The following SDK1 variants were observed in gnomAD, a reference collection of about 807,000 sequenced individuals.
The protein encoded by SDK1 is sidekick cell adhesion molecule 1.
A neutral mutation model predicts 245.5 loss-of-function variants in SDK1; 157 were observed. The observed-to-expected ratio is 0.64, with a 90% CI of 0.56 to 0.73. The LOEUF (loss-of-function observed/expected upper bound fraction) is 0.73. Ranked by LOEUF, SDK1 falls within the 30% of genes least tolerant of loss-of-function variation. The pLI, the probability that SDK1 is intolerant of heterozygous loss-of-function variation, is 0.00. For missense variants in SDK1, 3,583 were observed against 3,002.3 expected (o/e 1.19, Z -4.52); for synonymous variants, 1,647 against 1,278.5 (o/e 1.29, Z -6.15).
At chr7:3,370,347 A>C (rs1781191224) in intron 1 of SDK1, among the ~76,000 whole-genome samples, 1 of 152,228 alleles carries the variant, frequency 6.6e-6, no homozygotes, top group Admixed American at 6.5e-5. Context: ...TTAACCCCTG[A>C]GGGAGAGAGA....
chr7:3,889,193 T>C (rs1343192313), intron 5 of SDK1, among the ~76,000 whole-genome samples: 1 of 152,230 alleles, frequency 6.6e-6, no homozygotes, highest in Non-Finnish European at 1.5e-5. Flanking sequence ...ATTAAGATCC[T>C]TGAGGCCATC....
chr7:4,003,803 T>C (rs766614249), intron 14 of SDK1, among the ~76,000 whole-genome samples: 9 of 152,356 alleles, frequency 5.9e-5, no homozygotes, highest in Non-Finnish European at 8.8e-5. Context: ...TTATACTCAG[T>C]GTCTAGAGAG....
chr7:3,345,855 T>C (rs1019629393), intron 1 of SDK1, among the ~76,000 whole-genome samples: 4 of 152,164 alleles, frequency 2.6e-5, no homozygotes, highest in African/African-American at 9.7e-5. Flanking sequence ...GGTCACCCCA[T>C]CTAGATGACA....
At chr7:3,989,201 C>G (rs970533339) in intron 14 of SDK1, among the ~76,000 whole-genome samples, 1 of 152,226 alleles carries the variant, frequency 6.6e-6, no homozygotes, top group African/African-American at 2.4e-5. Flanking sequence ...CACAGTTCCA[C>G]GTGGCTAGGA....
intron 22 of SDK1, among the ~76,000 whole-genome samples, chr7:4,091,334 C>CTTTTTTTT (rs61065472): frequency 8.6e-4 from 93 of 108,210 alleles, no homozygotes; most frequent in African/African-American, 1.6e-3. Context: ...CTTTTCTTTT[C>CTTTTTTTT]TTTTTTTTTT....
rs760519027 is a variant in SDK1 at position 4,265,141 on chromosome 7, C to T, written c.6399C>T (p.Tyr2133=). ...CCCCGCAGGCCACGGACTCTGACTA[C>T]GAGGACGCGCTGCCCAAGCACTCCT... ...ASESEATDSD[Y]EDALPKHSFV... The change falls in exon 45 of 45, where the codon TAC becomes TAT. Residue 2133 remains tyrosine, a synonymous_variant. Transcript: ENST00000404826. 4.2e-5 allele frequency: 68 copies of T among 1,611,926 alleles called. No individual in the cohort carries two copies. Among genetic ancestry groups the T allele is most frequent in the Non-Finnish European group, 5.4e-5 (64 of 1,179,590 alleles).
intron 17 of SDK1, among the ~76,000 whole-genome samples, chr7:4,023,297 C>T (rs565823534): frequency 6.6e-6 from 1 of 152,194 alleles, no homozygotes; most frequent in African/African-American, 2.4e-5. Flanking sequence ...TTAACGGTGA[C>T]TCCATGACCT....
chr7:3,484,704 A>G (rs1282591268), intron 1 of SDK1, among the ~76,000 whole-genome samples: 1 of 152,100 alleles, frequency 6.6e-6, no homozygotes, highest in African/African-American at 2.4e-5. Context: ...TGTTGCACTC[A>G]CTACCTCCAC....
At chr7:4,208,040 C>A in intron 36 of SDK1, 59 bp from the exon 37 acceptor site, 1 of 1,311,990 alleles carries the variant, frequency 7.6e-7, no homozygotes, top group Non-Finnish European at 1.1e-6. Flanking sequence ...CACTCAGTGG[C>A]CCCCGCTTAC....
chr7:4,158,900 CTT>C (rs1022983119), intron 31 of SDK1, among the ~76,000 whole-genome samples: 3 of 152,226 alleles, frequency 2.0e-5, no homozygotes, highest in Non-Finnish European at 2.9e-5. Flanking sequence ...ACGAGCCACT[CTT>C]TGACAACAGC....
intron 1 of SDK1, among the ~76,000 whole-genome samples, chr7:3,392,074 T>G (rs1049203251): frequency 2.0e-5 from 3 of 151,882 alleles, no homozygotes; most frequent in African/African-American, 7.3e-5. Context: ...ACATTCATGA[T>G]AGAAAGTATT....
Position 3,750,710 on chromosome 7 carries a change from T to C in SDK1, c.714-70740T>C, listed in dbSNP as rs570759191. 2.0e-5 allele frequency among the ~76,000 whole-genome samples: 3 copies of C among 152,318 alleles called. No homozygotes were observed. The East Asian group carries it at 5.8e-4, about 29-fold the overall frequency. On this transcript the variant is annotated intron_variant, in intron 4 of 44. Coordinates refer to ENST00000404826, the MANE Select transcript of SDK1 (RefSeq NM_152744.4). Reference sequence around the variant, plus strand: ...TGGATTTTCCAAAGAAATATGCAGATAAGTCTAGGAGAAGGTTCAGAAGCC... The same window carrying C: ...TGGATTTTCCAAAGAAATATGCAGACAAGTCTAGGAGAAGGTTCAGAAGCC...
intron 4 of SDK1, among the ~76,000 whole-genome samples, chr7:3,801,671 T>C (rs1159980891): frequency 6.6e-6 from 1 of 152,198 alleles, no homozygotes; most frequent in Non-Finnish European, 1.5e-5. Flanking sequence ...GAGTTCTAGA[T>C]GCTGTGGCTG....
intron 35 of SDK1, among the ~76,000 whole-genome samples, chr7:4,183,197 A>G (rs902514687): frequency 8.5e-5 from 13 of 152,150 alleles, no homozygotes; most frequent in Admixed American, 1.3e-4. Flanking sequence ...GGGTCAGTCC[A>G]TTTTCAGAAT....
In SDK1 at chr7:4,149,349, A is replaced by T; in HGVS notation, c.4511A>T (p.Asp1504Val). The stretch of plus-strand genomic sequence containing the variant: ...CGGCTCCAGTGGGTCCCGGGCAGCG[A>T]CGGGGCCTCCCCCATCCGGTACTTC... Reference protein sequence around the residue: ...SLRLQWVPGSDGASPIRYFTM... With the variant: ...SLRLQWVPGSVGASPIRYFTM... Residue 1504 changes from aspartate (D) to valine (V), a missense_variant, in exon 30 of 45, where the codon GAC (aspartate) becomes GTC (valine). Coordinates refer to ENST00000404826, the MANE Select transcript of SDK1 (RefSeq NM_152744.4). 1 of 1,591,598 alleles carries T rather than the reference A, an allele frequency of 6.3e-7. No homozygotes were observed. Among genetic ancestry groups the T allele is most frequent in the South Asian group, 1.1e-5 (1 of 87,792 alleles).
At chr7:3,667,139 G>A (rs1783559610) in intron 4 of SDK1, among the ~76,000 whole-genome samples, 2 of 152,096 alleles carry the variant, frequency 1.3e-5, no homozygotes, top group South Asian at 4.2e-4. Flanking sequence ...GCATATCTGT[G>A]TACCTTGGCA....
intron 1 of SDK1, among the ~76,000 whole-genome samples, chr7:3,366,962 G>A (rs566080694): frequency 1.3e-5 from 2 of 151,938 alleles, no homozygotes; most frequent in South Asian, 2.1e-4. Context: ...GGATGGTCTC[G>A]ATCTCCTGAC....
At chr7:4,148,828 C>G (rs995298437) in intron 29 of SDK1, among the ~76,000 whole-genome samples, 2 of 152,182 alleles carry the variant, frequency 1.3e-5, no homozygotes, top group African/African-American at 2.4e-5. Context: ...GAGGCCGAGG[C>G]AGGCGGATCA....
chr7:3,913,704 A>G (rs1779267243), intron 5 of SDK1, among the ~76,000 whole-genome samples: 1 of 152,054 alleles, frequency 6.6e-6, no homozygotes, highest in African/African-American at 2.4e-5. Flanking sequence ...CCCCTTGAGT[A>G]TGTTCACCAG....
Sources: gnomAD v4.1 joint callset for allele counts (sites outside exome capture counted in the v4.1 genomes callset) on GRCh38, gnomAD v4.1.1 for gene constraint, MANE v1.5 for transcripts, NCBI Gene and HGNC (gene_info 2026-07-23, HGNC 2026-07-21) for gene names.